MKLN1: variants seen among roughly 807,000 people sequenced by gnomAD.
MKLN1 encodes the protein muskelin.
A neutral mutation model predicts 99.0 loss-of-function variants in MKLN1; 18 were observed. The observed-to-expected ratio is 0.18, with a 90% confidence interval of 0.13 to 0.27. The LOEUF (loss-of-function observed/expected upper bound fraction) is 0.27, where lower values mean the gene tolerates loss of function less well. MKLN1 is among the 10% of genes least tolerant of loss of function. The probability of loss-of-function intolerance (pLI) is 1.00; values close to 1 mark genes in which losing one functional copy is unlikely to be tolerated. For synonymous variants in MKLN1, 288 were observed against 293.2 expected, an observed-to-expected ratio of 0.98 and a Z score of 0.18; for missense variants, 621 against 875.9, an observed-to-expected ratio of 0.71 and a Z score of 3.67.
chr7:131,360,078 C>G (rs1343070856), intron 1 of MKLN1, among the ~76,000 whole-genome samples: 1 of 152,022 alleles, frequency 6.6e-6, no homozygotes, highest in African/African-American at 2.4e-5. Flanking sequence ...GATGATTTTC[C>G]TTGATCTTAT....
intron 3 of MKLN1, among the ~76,000 whole-genome samples, chr7:131,315,440 A>AC (rs1798648176): frequency 6.6e-6 from 1 of 152,058 alleles, no homozygotes; most frequent in African/African-American, 2.4e-5. Context: ...AGCCTACACC[A>AC]CCAGGGCCCT....
At chr7:131,279,878 C>T (rs534908526) in intron 3 of MKLN1, among the ~76,000 whole-genome samples, 2 of 152,074 alleles carry the variant, frequency 1.3e-5, no homozygotes, top group African/African-American at 4.8e-5. Context: ...ATTGTGCAAC[C>T]ATCACAACTA....
chr7:131,246,211 C>G (rs556188579), intron 3 of MKLN1, among the ~76,000 whole-genome samples: 37 of 152,368 alleles, frequency 2.4e-4, no homozygotes, highest in African/African-American at 7.5e-4. Context: ...GGGCCATAGG[C>G]TCCATGAGGC....
chr7:131,233,106 G>A (rs1469251122), intron 3 of MKLN1, among the ~76,000 whole-genome samples: 3 of 152,210 alleles, frequency 2.0e-5, no homozygotes, highest in South Asian at 2.1e-4. Flanking sequence ...TTGGGAGGCC[G>A]AGGAGGAAGG....
chr7:131,376,640 C>CAA (rs540925056), intron 2 of MKLN1, among the ~76,000 whole-genome samples: 5 of 65,194 alleles, frequency 7.7e-5, no homozygotes, highest in Non-Finnish European at 1.3e-4. Flanking sequence ...GACTCTGTCT[C>CAA]AAAAAAAAAA....
At chr7:131,420,284 A>G (rs1795153522) in intron 8 of MKLN1, among the ~76,000 whole-genome samples, 2 of 152,092 alleles carry the variant, frequency 1.3e-5, no homozygotes, top group South Asian at 2.1e-4. Context: ...AAAGAGAAAA[A>G]GAGAGAGGGG....
At chr7:131,191,427 A>G (rs575256079) in intron 2 of MKLN1, among the ~76,000 whole-genome samples, 3 of 152,356 alleles carry the variant, frequency 2.0e-5, no homozygotes, top group Admixed American at 6.5e-5. Context: ...TGAAACACCA[A>G]TGAACCAGCT....
At chr7:131,231,082 T>C (rs1040710273) in intron 3 of MKLN1, among the ~76,000 whole-genome samples, 1 of 118,022 alleles carries the variant, frequency 8.5e-6, no homozygotes, top group East Asian at 3.0e-4. Flanking sequence ...ATCGTACCAC[T>C]GCACTCCAGC....
chr7:131,149,481 G>A (rs372261881), intron 2 of MKLN1, among the ~76,000 whole-genome samples: 13 of 152,256 alleles, frequency 8.5e-5, no homozygotes, highest in African/African-American at 3.1e-4. Flanking sequence ...ATTGGATTTA[G>A]CATTTAGCAA....
At chr7:131,399,147 C>T in intron 5 of MKLN1, 94 bp from the exon 6 acceptor site, 1 of 1,034,094 alleles carries the variant, frequency 9.7e-7, no homozygotes, top group Non-Finnish European at 1.5e-6. Context: ...AATAAATGCT[C>T]AGTGTAGATT....
At chr7:131,463,978 T>C (rs777218620) in intron 13 of MKLN1, among the ~76,000 whole-genome samples, 15 of 152,230 alleles carry the variant, frequency 9.9e-5, no homozygotes, top group Non-Finnish European at 1.5e-4. Context: ...CAGCAATGTA[T>C]ACTGTACATT....
At chr7:131,372,721 G>GTT (rs551063120) in intron 1 of MKLN1, among the ~76,000 whole-genome samples, 28 of 130,552 alleles carry the variant, frequency 2.1e-4, no homozygotes, top group East Asian at 6.7e-4. Flanking sequence ...TATCCCCTAG[G>GTT]TTTTTTTTTT....
intron 8 of MKLN1, among the ~76,000 whole-genome samples, chr7:131,418,926 A>T (rs1795106299): frequency 6.6e-6 from 1 of 152,168 alleles, no homozygotes; most frequent in Admixed American, 6.5e-5. Flanking sequence ...GGTTCAGGTT[A>T]AATTAAACAG....
At chr7:131,275,565 ATATTTTTTTTTT>A (rs1221637357) in intron 3 of MKLN1, among the ~76,000 whole-genome samples, 17 of 6,588 alleles carry the variant, frequency 2.6e-3, no homozygotes, top group African/African-American at 7.4e-3. Context: ...ATATATATAT[ATATTTTTTTTTT>A]TTTTTTTTTT....
At chr7:131,362,517 CGTGTATTCT>C (rs1563311707) in intron 1 of MKLN1, among the ~76,000 whole-genome samples, 1 of 151,906 alleles carries the variant, frequency 6.6e-6, no homozygotes, top group Non-Finnish European at 1.5e-5. Context: ...CCTAGCATAC[CGTGTATTCT>C]TTGAGTGTGT....
intron 3 of MKLN1, among the ~76,000 whole-genome samples, chr7:131,275,428 C>T (rs1797946190): frequency 1.6e-5 from 2 of 127,758 alleles, no homozygotes; most frequent in South Asian, 5.3e-4. Context: ...GAGTGCAGTG[C>T]CATGATCTCG....
intron 3 of MKLN1, among the ~76,000 whole-genome samples, chr7:131,302,292 A>T (rs1464055028): frequency 6.6e-6 from 1 of 152,218 alleles, no homozygotes; most frequent in Non-Finnish European, 1.5e-5. Flanking sequence ...ATGTTCACTA[A>T]ATAAATGGAT....
intron 4 of MKLN1, among the ~76,000 whole-genome samples, chr7:131,389,978 A>T (rs1794150654): frequency 6.6e-6 from 1 of 152,212 alleles, no homozygotes; most frequent in Non-Finnish European, 1.5e-5. Flanking sequence ...ATTAAAGTGA[A>T]TTAGATACTT....
At chr7:131,358,195 C>CT (rs916284239) in intron 1 of MKLN1, among the ~76,000 whole-genome samples, 2 of 152,070 alleles carry the variant, frequency 1.3e-5, no homozygotes, top group African/African-American at 4.8e-5. Flanking sequence ...TGTAGGTACT[C>CT]TTTATCAAAT....
Sources: gnomAD v4.1 joint callset for allele counts (sites outside exome capture counted in the v4.1 genomes callset) on GRCh38, gnomAD v4.1.1 for gene constraint, MANE v1.5 for transcripts, NCBI Gene and HGNC (gene_info 2026-07-23, HGNC 2026-07-21) for gene names.